The following ADGRB3 variants were observed in gnomAD, a reference collection of about 807,000 sequenced individuals.
The protein encoded by ADGRB3 is adhesion G protein-coupled receptor B3.
A neutral mutation model predicts 193.4 loss-of-function variants in ADGRB3; 37 were observed. The ratio of observed to expected loss-of-function variants is 0.19; its 90% CI spans 0.15 to 0.25. ADGRB3 has a LOEUF of 0.25. Ranked by LOEUF, ADGRB3 falls within the 10% of genes least tolerant of loss-of-function variation. The pLI, the probability that ADGRB3 is intolerant of heterozygous loss-of-function variation, is 1.00. For synonymous variants in ADGRB3, 690 were observed against 644.2 expected, an observed-to-expected ratio of 1.07 and a Z score of -1.08; for missense variants, 1,637 against 1,852.9, an observed-to-expected ratio of 0.88 and a Z score of 2.14.
intron 20 of ADGRB3, among the ~76,000 whole-genome samples, chr6:69,310,137 G>A (rs1027254092): frequency 1.3e-5 from 2 of 151,662 alleles, no homozygotes; most frequent in African/African-American, 2.4e-5. Flanking sequence ...AAAATATTTG[G>A]TAAGATCTAT....
At chr6:69,058,665 A>T (rs1356949120) in intron 15 of ADGRB3, among the ~76,000 whole-genome samples, 3 of 151,830 alleles carry the variant, frequency 2.0e-5, no homozygotes, top group Admixed American at 6.6e-5. Context: ...TTGTCTCATG[A>T]TATTTTCCAA....
intron 20 of ADGRB3, among the ~76,000 whole-genome samples, chr6:69,250,056 A>G (rs924930922): frequency 2.6e-5 from 4 of 152,192 alleles, no homozygotes; most frequent in Non-Finnish European, 4.4e-5. Flanking sequence ...ATTTGTTAAT[A>G]TGTGTGATAA....
intron 11 of ADGRB3, among the ~76,000 whole-genome samples, chr6:69,002,301 C>T (rs1032411883): frequency 1.3e-5 from 2 of 151,108 alleles, no homozygotes; most frequent in Non-Finnish European, 2.9e-5. Context: ...TCACTGCAAC[C>T]TCCGCCTCCC....
intron 21 of ADGRB3, among the ~76,000 whole-genome samples, chr6:69,327,503 A>T (rs1387778877): frequency 6.6e-6 from 1 of 152,146 alleles, no homozygotes; most frequent in African/African-American, 2.4e-5. Flanking sequence ...AATTTCCTTT[A>T]TAACAGTGTA....
At chr6:69,368,861 A>C (rs1403067382) in intron 29 of ADGRB3, among the ~76,000 whole-genome samples, 1 of 152,144 alleles carries the variant, frequency 6.6e-6, no homozygotes, top group Non-Finnish European at 1.5e-5. Context: ...TTAATGGAGT[A>C]TTGAGAATAG....
intron 14 of ADGRB3, 48 bp from the exon 15 acceptor site, chr6:69,049,221 CAT>C (rs1771323588): frequency 7.6e-7 from 1 of 1,324,042 alleles, no homozygotes; most frequent in African/African-American, 1.5e-5. Context: ...TTTTATAAGA[CAT>C]AGTATTTTCT....
rs151033658 is a variant in ADGRB3 at position 69,048,486 on chromosome 6, C to A, written c.2257+152C>A. The A allele has an allele frequency of 2.6e-4, 223 of 872,590 alleles. 1 individual carries two copies. The East Asian group carries it at 4.2e-3, about 17-fold the overall frequency. The allele number at this position is 872,590 out of a possible 1,614,324, so 54.1% of individuals were successfully genotyped here. ...ATTTTCTAAATATGGACAACTTATT[C>A]TCGGTTTCAGAGTCTCTGAAAATTT... On this transcript the variant is annotated intron_variant, in intron 14 of 31. Transcript: ENST00000370598.
At chr6:68,844,985 G>T (rs1436600549) in intron 3 of ADGRB3, among the ~76,000 whole-genome samples, 2 of 152,146 alleles carry the variant, frequency 1.3e-5, no homozygotes, top group East Asian at 3.9e-4. Context: ...GTAGTGGGAG[G>T]TGGGGAGGGA....
At chr6:68,917,257 A>G (rs1050801104) in intron 3 of ADGRB3, among the ~76,000 whole-genome samples, 1 of 152,226 alleles carries the variant, frequency 6.6e-6, no homozygotes, top group African/African-American at 2.4e-5. Context: ...TACAATATTC[A>G]TTAGTCACAC....
intron 17 of ADGRB3, among the ~76,000 whole-genome samples, chr6:69,161,678 G>A (rs1009922495): frequency 6.6e-6 from 1 of 152,116 alleles, no homozygotes; most frequent in Non-Finnish European, 1.5e-5. Context: ...TGCAATCAAT[G>A]TGTCAGCTAG....
intron 20 of ADGRB3, among the ~76,000 whole-genome samples, chr6:69,294,323 C>G (rs1490246335): frequency 6.6e-6 from 1 of 152,024 alleles, no homozygotes; most frequent in Admixed American, 6.6e-5. Context: ...TTTTCTAACA[C>G]ATGCACATTT....
intron 17 of ADGRB3, among the ~76,000 whole-genome samples, chr6:69,090,629 T>G (rs1262686119): frequency 6.6e-6 from 1 of 152,190 alleles, no homozygotes; most frequent in Admixed American, 6.5e-5. Context: ...GTATAGGACT[T>G]GTAATCTGTA....
At chr6:68,814,401 G>A (rs559393925) in intron 3 of ADGRB3, among the ~76,000 whole-genome samples, 157 of 152,280 alleles carry the variant, frequency 1.0e-3, no homozygotes, top group Non-Finnish European at 1.7e-3. Flanking sequence ...TTTTGATGGT[G>A]TTGTTTGTTT....
chr6:68,915,853 G>A (rs1180625492), intron 3 of ADGRB3, among the ~76,000 whole-genome samples: 2 of 152,060 alleles, frequency 1.3e-5, no homozygotes, highest in African/African-American at 4.8e-5. Context: ...TCATGATTCA[G>A]TAACCTAAAA....
At chr6:69,017,103 G>A (rs1415261630) in intron 12 of ADGRB3, among the ~76,000 whole-genome samples, 3 of 151,816 alleles carry the variant, frequency 2.0e-5, no homozygotes, top group African/African-American at 4.8e-5. Context: ...TTAAAAATTG[G>A]AACTATCTCA....
intron 13 of ADGRB3, among the ~76,000 whole-genome samples, chr6:69,029,290 T>A (rs187783695): frequency 2.9e-4 from 44 of 150,848 alleles, no homozygotes; most frequent in African/African-American, 1.0e-3. Context: ...AATTTGAAAC[T>A]TTTTTTGGCT....
At chr6:69,121,690 T>A (rs1773692901) in intron 17 of ADGRB3, among the ~76,000 whole-genome samples, 1 of 149,016 alleles carries the variant, frequency 6.7e-6, no homozygotes, top group Non-Finnish European at 1.5e-5. Flanking sequence ...ACTCCTCACC[T>A]CCCAGATGGG....
At chr6:68,813,811 G>T (rs1438650561) in intron 3 of ADGRB3, among the ~76,000 whole-genome samples, 6 of 152,044 alleles carry the variant, frequency 3.9e-5, no homozygotes, top group Non-Finnish European at 7.4e-5. Flanking sequence ...GCAGTGTTTG[G>T]TTTTTTGTCC....
At chr6:69,275,931 A>G (rs1213755159) in intron 20 of ADGRB3, among the ~76,000 whole-genome samples, 2 of 152,198 alleles carry the variant, frequency 1.3e-5, no homozygotes, top group South Asian at 2.1e-4. Flanking sequence ...ATGTCCAAAC[A>G]TACATGCTAT....
Sources: allele counts gnomAD v4.1 joint callset (sites outside exome capture counted in the v4.1 genomes callset), GRCh38; gene constraint gnomAD v4.1.1; transcripts MANE v1.5; gene names NCBI Gene and HGNC (gene_info 2026-07-23, HGNC 2026-07-21).